Variants in FOXP2 observed in about 807,000 individuals in gnomAD.
FOXP2 encodes forkhead box P2, also known as forkhead box protein P2.
A neutral mutation model predicts 115.8 loss-of-function variants in FOXP2; 12 were observed. The observed-to-expected ratio is 0.10, with a 90% confidence interval of 0.07 to 0.17. FOXP2 has a LOEUF of 0.17. FOXP2 is among the 10% of genes least tolerant of loss of function. The probability of loss-of-function intolerance (pLI) is 1.00; values close to 1 mark genes in which losing one functional copy is unlikely to be tolerated. For missense variants in FOXP2, 629 were observed against 843.5 expected (o/e 0.75, Z 3.15); for synonymous variants, 328 against 297.7 (o/e 1.10, Z -1.05).
At chr7:114,346,947 A>G (rs1791363335) in intron 2 of FOXP2, among the ~76,000 whole-genome samples, 1 of 151,920 alleles carries the variant, frequency 6.6e-6, no homozygotes, top group African/African-American at 2.4e-5. Context: ...CCTTGATTGT[A>G]TCAGTATACA....
intron 1 of FOXP2, among the ~76,000 whole-genome samples, chr7:114,152,339 A>G (rs531022156): frequency 6.6e-6 from 1 of 152,292 alleles, no homozygotes; most frequent in Admixed American, 6.5e-5. Flanking sequence ...CAACATATGG[A>G]TAAAGATGAG....
intron 2 of FOXP2, among the ~76,000 whole-genome samples, chr7:114,528,073 T>A (rs1798959220): frequency 6.6e-6 from 1 of 152,110 alleles, no homozygotes; most frequent in Non-Finnish European, 1.5e-5. Context: ...ATGAAGACTC[T>A]TTGTCATTTA....
At chr7:114,308,279 C>T (rs1198394647) in intron 2 of FOXP2, among the ~76,000 whole-genome samples, 1 of 152,108 alleles carries the variant, frequency 6.6e-6, no homozygotes, top group African/African-American at 2.4e-5. Context: ...ACAATATACT[C>T]AACCAATTAG....
rs139882260 is a variant in FOXP2, at chr7:114,509,079, C to T, written c.169-25538C>T. On this transcript the variant is annotated intron_variant, in intron 2 of 16. Transcript: ENST00000350908. Reference sequence around the variant, plus strand: ...TGGTGTTAAGATGGAAGTGTGCTTTCTCTATTTGAGGTTTAGCAAGGATAC... The same window carrying T: ...TGGTGTTAAGATGGAAGTGTGCTTTTTCTATTTGAGGTTTAGCAAGGATAC... Among the ~76,000 whole-genome samples, 400 of 152,114 alleles carry T rather than the reference C, an allele frequency of 2.6e-3. 2 individuals carry two copies. The highest frequency in any genetic ancestry group is 4.9e-3 in the Non-Finnish European group (335 of 67,954).
intron 2 of FOXP2, among the ~76,000 whole-genome samples, chr7:114,495,815 A>G (rs984292477): frequency 6.6e-5 from 10 of 151,612 alleles, no homozygotes; most frequent in Non-Finnish European, 1.3e-4. Context: ...CCACATTTTT[A>G]TTTTCTATAT....
At chr7:114,191,022 T>C (rs1336241810) in intron 1 of FOXP2, among the ~76,000 whole-genome samples, 1 of 152,100 alleles carries the variant, frequency 6.6e-6, no homozygotes, top group Non-Finnish European at 1.5e-5. Context: ...ATGGATCAGA[T>C]AGTTTCTTGG....
intron 1 of FOXP2, among the ~76,000 whole-genome samples, chr7:114,128,196 A>G (rs1019567071): frequency 1.3e-5 from 2 of 152,166 alleles, no homozygotes; most frequent in African/African-American, 2.4e-5. Flanking sequence ...CTGTTTCACA[A>G]TCATAAGCTG....
chr7:114,623,923 A>G (rs1206672015), intron 3 of FOXP2, among the ~76,000 whole-genome samples: 1 of 151,850 alleles, frequency 6.6e-6, no homozygotes, highest in Non-Finnish European at 1.5e-5. Context: ...TGTCCATCCC[A>G]GATCTCTTTA....
At chr7:114,263,304 A>G (rs1211055592) in intron 1 of FOXP2, among the ~76,000 whole-genome samples, 1 of 149,566 alleles carries the variant, frequency 6.7e-6, no homozygotes, top group East Asian at 1.9e-4. Flanking sequence ...TCAATCATAA[A>G]CACTCCTCTA....
intron 2 of FOXP2, among the ~76,000 whole-genome samples, chr7:114,467,894 C>T (rs1241418910): frequency 6.6e-6 from 1 of 152,092 alleles, no homozygotes; most frequent in East Asian, 1.9e-4. Context: ...CTTTCCATCA[C>T]CTGGTATTCT....
At chr7:114,295,172 A>G (rs912628354) in intron 2 of FOXP2, among the ~76,000 whole-genome samples, 2 of 152,176 alleles carry the variant, frequency 1.3e-5, no homozygotes, top group Non-Finnish European at 2.9e-5. Context: ...TTTCAATTCA[A>G]CTGAACATTA....
At chr7:114,106,457 T>C (rs981524723) in intron 1 of FOXP2, among the ~76,000 whole-genome samples, 3 of 151,984 alleles carry the variant, frequency 2.0e-5, no homozygotes, top group African/African-American at 7.2e-5. Flanking sequence ...GCAACTTGTT[T>C]TGCTAAAAGA....
chr7:114,140,527 A>G (rs574978054), intron 1 of FOXP2, among the ~76,000 whole-genome samples: 5 of 152,306 alleles, frequency 3.3e-5, no homozygotes, highest in African/African-American at 1.2e-4. Context: ...TGCAAATTTT[A>G]TTGAAATTCT....
At chr7:114,434,940 C>T (rs776108276) in intron 2 of FOXP2, among the ~76,000 whole-genome samples, 3 of 152,084 alleles carry the variant, frequency 2.0e-5, no homozygotes, top group Non-Finnish European at 2.9e-5. Flanking sequence ...TTTCACATGG[C>T]TCATGGAGAA....
intron 1 of FOXP2, among the ~76,000 whole-genome samples, chr7:114,143,491 A>G (rs189380895): frequency 6.6e-6 from 1 of 152,124 alleles, no homozygotes; most frequent in East Asian, 1.9e-4. Context: ...TGGTATGACA[A>G]TAGTTTATTT....
intron 2 of FOXP2, among the ~76,000 whole-genome samples, chr7:114,458,395 G>T (rs1795412985): frequency 2.0e-5 from 3 of 151,234 alleles, no homozygotes. Context: ...CAATTTCCAG[G>T]CAGGAAGGAA....
chr7:114,475,443 G>C (rs1172844916), intron 2 of FOXP2, among the ~76,000 whole-genome samples: 1 of 152,016 alleles, frequency 6.6e-6, no homozygotes, highest in South Asian at 2.1e-4. Flanking sequence ...GAAAGTAAAA[G>C]AGTAGAAATT....
chr7:114,565,444 T>C (rs746215478), intron 3 of FOXP2, among the ~76,000 whole-genome samples: 1 of 152,144 alleles, frequency 6.6e-6, no homozygotes, highest in African/African-American at 2.4e-5. Context: ...ATAGACCTTC[T>C]AAACCACAAT....
At chr7:114,410,250 A>G (rs191459815), upstream of FOXP2, among the ~76,000 whole-genome samples, 2 of 152,242 alleles carry the variant, frequency 1.3e-5, no homozygotes, top group African/African-American at 4.8e-5. Flanking sequence ...GAGAGTTTTC[A>G]GGGCAGAGAC....
Sources: gnomAD v4.1 joint callset for allele counts (sites outside exome capture counted in the v4.1 genomes callset) on GRCh38, gnomAD v4.1.1 for gene constraint, MANE v1.5 for transcripts, NCBI Gene and HGNC (gene_info 2026-07-23, HGNC 2026-07-21) for gene names.